The following SORL1 variants were observed in gnomAD, a reference collection of about 807,000 sequenced individuals.
SORL1 encodes sortilin-related receptor.
Under a neutral mutation model 273.7 loss-of-function variants are expected in SORL1, and 127 were observed. The observed-to-expected ratio is 0.46, with a 90% CI of 0.40 to 0.54. The LOEUF is 0.54. Ranked by LOEUF, SORL1 falls within the 20% of genes least tolerant of loss-of-function variation. The pLI is 0.00. For synonymous variants in SORL1, 1,031 were observed against 1,067.4 expected, an observed-to-expected ratio of 0.97 and a Z score of 0.66; for missense variants, 2,494 against 2,846.1, an observed-to-expected ratio of 0.88 and a Z score of 2.81.
intron 24 of SORL1, among the ~76,000 whole-genome samples, chr11:121,576,270 C>T (rs890909951): frequency 1.3e-5 from 2 of 152,186 alleles, no homozygotes; most frequent in Non-Finnish European, 2.9e-5. Context: ...CTAGTGAGGG[C>T]CTGTTCCTCA....
chr11:121,590,904 C>T (rs1360559365), intron 30 of SORL1, 97 bp from the exon 31 acceptor site: 3 of 1,397,438 alleles, frequency 2.1e-6, no homozygotes, highest in Middle Eastern at 1.8e-4. Context: ...GCAGGTACAG[C>T]TAAAACTGGG....
intron 8 of SORL1, among the ~76,000 whole-genome samples, chr11:121,516,879 C>A (rs973612090): frequency 1.3e-5 from 2 of 151,976 alleles, no homozygotes; most frequent in Non-Finnish European, 2.9e-5. Context: ...TGGTGAAAGC[C>A]CATCTCTACT....
At chr11:121,494,296 C>T (rs1222046411) in intron 5 of SORL1, among the ~76,000 whole-genome samples, 1 of 152,090 alleles carries the variant, frequency 6.6e-6, no homozygotes, top group Non-Finnish European at 1.5e-5. Context: ...GGGATTTCTC[C>T]CCCTAGGTTT....
At chr11:121,569,873 AG>A (rs1591331646) in intron 22 of SORL1, among the ~76,000 whole-genome samples, 2 of 152,186 alleles carry the variant, frequency 1.3e-5, no homozygotes, top group East Asian at 3.8e-4. Flanking sequence ...TTTACGGCTC[AG>A]GGGGCATCAC....
intron 11 of SORL1, among the ~76,000 whole-genome samples, chr11:121,524,712 C>CT (rs1174105659): frequency 6.6e-6 from 1 of 151,594 alleles, no homozygotes; most frequent in Non-Finnish European, 1.5e-5. Flanking sequence ...TTTTTTTGTG[C>CT]TTTTTTCTCT....
At chr11:121,582,745 CT>C (rs934347462) in intron 25 of SORL1, among the ~76,000 whole-genome samples, 3 of 152,214 alleles carry the variant, frequency 2.0e-5, no homozygotes, top group African/African-American at 7.2e-5. Flanking sequence ...AGATGTTCCT[CT>C]CAACTCTACA....
intron 23 of SORL1, among the ~76,000 whole-genome samples, chr11:121,573,079 G>A (rs1272337502): frequency 1.3e-5 from 2 of 152,166 alleles, no homozygotes; most frequent in Admixed American, 1.3e-4. Context: ...CAGGGATTGT[G>A]CTTAAGCACA....
intron 3 of SORL1, among the ~76,000 whole-genome samples, chr11:121,486,273 T>TG (rs1861469586): frequency 6.6e-6 from 1 of 152,172 alleles, no homozygotes; most frequent in Non-Finnish European, 1.5e-5. Flanking sequence ...CTCCGGGTCT[T>TG]GCCAGGTGTG....
intron 1 of SORL1, 88 bp from the exon 2 acceptor site, chr11:121,469,919 G>C (rs1261622358): frequency 2.1e-6 from 2 of 954,660 alleles, no homozygotes; most frequent in African/African-American, 3.2e-5. Context: ...CATCATTTCT[G>C]CTTGACAAAG....
intron 3 of SORL1, among the ~76,000 whole-genome samples, chr11:121,484,974 C>T (rs182989960): frequency 3.3e-5 from 5 of 152,284 alleles, no homozygotes; most frequent in East Asian, 3.9e-4. Flanking sequence ...AGGCTGGTCT[C>T]GAACCCCTGA....
intron 45 of SORL1, among the ~76,000 whole-genome samples, chr11:121,623,274 C>CAGGGAAGAGTATAACTGGTATGAATAGT (rs1863749512): frequency 6.6e-6 from 1 of 152,098 alleles, no homozygotes; most frequent in South Asian, 2.1e-4. Context: ...TAAAGATTTG[C>CAGGGAAGAGTATAACTGGTATGAATAGT]AGGGAAGAGT....
intron 14 of SORL1, among the ~76,000 whole-genome samples, chr11:121,549,232 T>C (rs1325693326): frequency 1.3e-5 from 2 of 152,090 alleles, no homozygotes; most frequent in Non-Finnish European, 1.5e-5. Flanking sequence ...AAATTTTTTC[T>C]TTTTTTCTGA....
At chr11:121,496,405 G>A (rs1199066161) in intron 5 of SORL1, among the ~76,000 whole-genome samples, 1 of 152,204 alleles carries the variant, frequency 6.6e-6, no homozygotes, top group African/African-American at 2.4e-5. Context: ...CAGAGACAGG[G>A]CAGCGTCACT....
At chr11:121,585,219 C>T (rs1863076352) in intron 26 of SORL1, among the ~76,000 whole-genome samples, 1 of 152,170 alleles carries the variant, frequency 6.6e-6, no homozygotes, top group Admixed American at 6.5e-5. Flanking sequence ...TATGGTGGCT[C>T]ACGCCTGTAA....
chr11:121,592,046 C>T (rs1441911057), intron 31 of SORL1, among the ~76,000 whole-genome samples: 1 of 152,050 alleles, frequency 6.6e-6, no homozygotes, highest in African/African-American at 2.4e-5. Context: ...TTCTATTTTC[C>T]AGGCCCTCTG....
At chr11:121,529,684 A>C (rs1411710085) in intron 11 of SORL1, among the ~76,000 whole-genome samples, 1 of 152,150 alleles carries the variant, frequency 6.6e-6, no homozygotes, top group Non-Finnish European at 1.5e-5. Flanking sequence ...TTAAAGGCAC[A>C]TGCCACCATG....
intron 21 of SORL1, among the ~76,000 whole-genome samples, chr11:121,565,832 A>G (rs1420017657): frequency 2.6e-5 from 4 of 152,168 alleles, no homozygotes; most frequent in African/African-American, 9.7e-5. Context: ...GCTCCTTCTC[A>G]AGAGTGCAGT....
intron 25 of SORL1, among the ~76,000 whole-genome samples, chr11:121,578,776 T>C (rs1335050021): frequency 6.6e-6 from 1 of 152,238 alleles, no homozygotes; most frequent in African/African-American, 2.4e-5. Context: ...CCAAATCCTG[T>C]TCGCTTGTAA....
rs990961198 is a variant in SORL1, at chr11:121,631,535, G to A, written c.*1972G>A. ...TCATTTAATTGAACCACTAGGAAGT[G>A]TATTTTCTTTTCTTTTTCTGCCAAC... On this transcript the variant is annotated 3_prime_UTR_variant, in exon 48 of 48. Transcript: ENST00000260197. 6.6e-6 allele frequency: 1 copy of A among 152,106 alleles called. No homozygotes were observed. Among genetic ancestry groups the A allele is most frequent in the Admixed American group, 6.5e-5 (1 of 15,268 alleles). 9.4% of individuals were successfully genotyped at this position (152,106 alleles called of 1,614,324 possible).
Sources: allele counts gnomAD v4.1 joint callset (sites outside exome capture counted in the v4.1 genomes callset), GRCh38; gene constraint gnomAD v4.1.1; transcripts MANE v1.5; gene names NCBI Gene and HGNC (gene_info 2026-07-23, HGNC 2026-07-21).